FHOD1: variants seen among roughly 807,000 people sequenced by gnomAD.
FHOD1 encodes the protein formin homology 2 domain containing 1, also known as FH1/FH2 domain-containing protein 1.
FHOD1 carries 89 observed loss-of-function variants against 111.6 expected under a neutral mutation model. The ratio of observed to expected loss-of-function variants is 0.80; its 90% confidence interval spans 0.67 to 0.95. The LOEUF (loss-of-function observed/expected upper bound fraction) is 0.95. FHOD1 is among the 40% of genes least tolerant of loss of function. The pLI, the probability that FHOD1 is intolerant of heterozygous loss-of-function variation, is 0.00. For synonymous variants in FHOD1, 618 were observed against 639.0 expected (o/e 0.97, Z 0.50); for missense variants, 1,446 against 1,554.2 (o/e 0.93, Z 1.17).
intron 1 of FHOD1, 48 bp from the exon 2 acceptor site, chr16:67,239,502 G>A (rs775482750): frequency 1.9e-5 from 27 of 1,420,570 alleles, no homozygotes; most frequent in Admixed American, 1.5e-4. Flanking sequence ...GGTGGCAGGC[G>A]AATGTATGAA....
In FHOD1 at chr16:67,247,472, A is replaced by G. The variant is rs929793246; in HGVS notation, c.-62T>C. On this transcript the variant is annotated 5_prime_UTR_variant, in exon 1 of 22. Transcript: ENST00000258201. ...CCCGGCCCCAGTGCAGCTTCTACTC[A>G]AAGCACACTGTAGCTCCGCGGTTCG... 3 of 1,552,554 alleles carry G rather than the reference A, an allele frequency of 1.9e-6. No individual in the cohort carries two copies. The highest frequency in any genetic ancestry group is 2.7e-5 in the African/African-American group (2 of 73,298).
chr16:67,231,731 G>T lies in FHOD1; in HGVS notation c.2291C>A (p.Ala764Asp). 6.2e-7 allele frequency: 1 copy of T among 1,614,016 alleles called. No individual in the cohort carries two copies. The highest frequency in any genetic ancestry group is 8.5e-7 in the Non-Finnish European group (1 of 1,179,984). Residue 764 changes from alanine (A) to aspartate (D), a missense_variant, in exon 15 of 22, where the codon GCC becomes GAC. Ala to Asp is a moderately radical substitution (Grantham distance 126). Around this residue, in one of 3 missense-constraint regions of FHOD1, gnomAD observed 1,085 missense variants for 1,108.8 expected, o/e 0.98. Transcript: ENST00000258201. The surrounding 1 kb of genome is among the most constrained non-coding windows in gnomAD (Gnocchi z 4.3). The part of the protein sequence containing the change: ...LANPDIPLGP[A>D]ENFLMTLASI... The stretch of plus-strand genomic sequence containing the variant: ...GGCAAGAGTCATCAGGAAGTTCTCG[G>T]CTGGGCCCAGGGGTATGTCAGGGTT...
intron 1 of FHOD1, among the ~76,000 whole-genome samples, chr16:67,246,490 G>A (rs960907059): frequency 6.6e-6 from 1 of 152,202 alleles, no homozygotes; most frequent in Admixed American, 6.5e-5. Context: ...CGGGGCGGCA[G>A]CAAAGTAGGG....
chr16:67,244,142 CT>C (rs1188467086), intron 1 of FHOD1, among the ~76,000 whole-genome samples: 1 of 152,178 alleles, frequency 6.6e-6, no homozygotes, highest in Non-Finnish European at 1.5e-5. Flanking sequence ...GCTATCCCCA[CT>C]GTCAGGAGGA....
At position 67,247,287 on chromosome 16, in the gene FHOD1, TG is replaced by T; in HGVS notation, c.123del (p.Thr42ProfsTer69). 1 of 1,612,820 alleles carries T rather than the reference TG, an allele frequency of 6.2e-7. No individual in the cohort carries two copies. On this transcript the variant is annotated frameshift_variant, in exon 1 of 22. Transcript: ENST00000258201. LOFTEE classifies it high-confidence loss of function. ...GGCAGCGCCCCGTCCAGGCTGCAGG[TG>T]GGGGCCCGGCGCGGCTCCGGAAAGT... ...CANFPEPRRAPTCSLDGALPL... is the reference protein window; with the variant it reads ...CANFPEPRRAXTCSLDGALPL...
At chr16:67,247,480 CTG>C (rs2034913419) in exon 1 of FHOD1, 1 of 1,510,496 alleles carries the variant, frequency 6.6e-7, no homozygotes, top group Non-Finnish European at 9.0e-7. Context: ...TCAAAGCACA[CTG>C]TAGCTCCGCG....
In FHOD1 at chr16:67,238,374, C is replaced by T. The variant is rs765490495; in HGVS notation, c.441+6G>A. On this transcript the variant is annotated splice_donor_region_variant and intron_variant, in intron 4 of 21. Transcript: ENST00000258201. The surrounding 1 kb of genome is among the most constrained non-coding windows in gnomAD (Gnocchi z 4.2). ...CACTTACCCCCAGCCCACTGCGGGG[C>T]CTCACCTGGAAGATCTGCTTCAGTG... 1 of 1,614,110 alleles carries T rather than the reference C, an allele frequency of 6.2e-7. No individual in the cohort carries two copies. Among genetic ancestry groups the T allele is most frequent in the South Asian group, 1.1e-5 (1 of 91,076 alleles).
rs1186229148 is a variant in FHOD1 at position 67,241,114 on chromosome 16, A to ACCCCCCCCCCCCC, written c.202-1661_202-1660insGGGGGGGGGGGGG. ...GTTTAGCCTGTGGGGCCCTTGGATG[A>ACCCCCCCCCCCCC]CCCCCCCCCCCGCCCACCCCCGCCT... is the stretch of plus-strand genomic sequence containing the variant. On this transcript the variant is annotated intron_variant, in intron 1 of 21. Coordinates refer to ENST00000258201, the MANE Select transcript of FHOD1 (RefSeq NM_013241.3). Among the ~76,000 whole-genome samples the ACCCCCCCCCCCCC allele has an allele frequency of 4.7e-4, 39 of 83,308 alleles. 1 individual carries two copies. The highest frequency in any genetic ancestry group is 1.5e-3 in the African/African-American group (27 of 17,758). 54.7% of individuals were successfully genotyped at this position (83,308 alleles called of 152,430 possible). A position where few individuals can be genotyped will look rare whatever the true frequency, so the allele number is the denominator to read the frequency against.
intron 1 of FHOD1, among the ~76,000 whole-genome samples, chr16:67,245,016 C>T (rs1163389360): frequency 6.6e-6 from 1 of 152,228 alleles, no homozygotes; most frequent in Non-Finnish European, 1.5e-5. Flanking sequence ...GTCCCTGTCT[C>T]TGCCCTATTC....
rs201980850 is a variant in FHOD1, at chr16:67,238,233, G to A, written c.516C>T (p.Ala172=). 28 of 1,614,052 alleles carry A rather than the reference G, an allele frequency of 1.7e-5. No individual in the cohort carries two copies. The highest frequency in any genetic ancestry group is 5.3e-5 in the African/African-American group (4 of 74,922). The change falls in exon 5 of 22, where the codon GCC becomes GCT. Residue 172 remains alanine, a synonymous_variant. Coordinates refer to ENST00000258201, the MANE Select transcript of FHOD1 (RefSeq NM_013241.3). The surrounding 1 kb of genome is among the most constrained non-coding windows in gnomAD (Gnocchi z 4.2). ...GGATGTAGCTCTGGTAGTTGTGGTC[G>A]GCAGCAGCACCCACACGGATCAGGC... ...LSCLIRVGAA[A]DHNYQSYILR... is the part of the protein sequence containing the mutation.
In FHOD1 at chr16:67,237,883, A is replaced by ACCCTGG. The variant is rs2034550438; in HGVS notation, c.643-121_643-116dup. On this transcript the variant is annotated intron_variant, in intron 6 of 21. Coordinates refer to ENST00000258201, the MANE Select transcript of FHOD1 (RefSeq NM_013241.3). This position sits in a 1 kb window ranked among gnomAD's most constrained non-coding sequence, Gnocchi z 5.6. The stretch of plus-strand genomic sequence containing the variant: ...ACCCAGAGAGAATCTAGGCAGAATG[A>ACCCTGG]CCCTGGCCCCAGGCCCAGGCACTGA... 7.6e-7 allele frequency: 1 copy of ACCCTGG among 1,314,690 alleles called. No individual in the cohort carries two copies. Among genetic ancestry groups the ACCCTGG allele is most frequent in the African/African-American group, 1.5e-5 (1 of 68,932 alleles). 81.4% of individuals were successfully genotyped at this position (1,314,690 alleles called of 1,614,324 possible).
chr16:67,240,854 A>G (rs778055381), intron 1 of FHOD1, among the ~76,000 whole-genome samples: 1 of 152,224 alleles, frequency 6.6e-6, no homozygotes, highest in Non-Finnish European at 1.5e-5. Flanking sequence ...TGGCCCAGGG[A>G]GAGCCCACCT....
chr16:67,246,457 C>G (rs570029339), intron 1 of FHOD1, among the ~76,000 whole-genome samples: 1 of 152,206 alleles, frequency 6.6e-6, no homozygotes, highest in African/African-American at 2.4e-5. Context: ...GGGCCTCTTT[C>G]CGCACTGTGC....
rs145700198 is a variant in FHOD1, at chr16:67,231,483, G to A, written c.2452C>T (p.Arg818Cys). The stretch of plus-strand genomic sequence containing the variant: ...GCTAGGAGGGTAGCCAGGATGCAGC[G>A]GAAGGTGGCATTCTGTACCAGCTGT... Reference protein sequence around the residue: ...MEQLVQNATFRCILATLLAVG... With the variant: ...MEQLVQNATFCCILATLLAVG... Residue 818 changes from arginine (R) to cysteine (C), a missense_variant, in exon 16 of 22, where the codon CGC becomes TGC. Transcript: ENST00000258201. This position sits in a 1 kb window ranked among gnomAD's most constrained non-coding sequence, Gnocchi z 4.3. The A allele has an allele frequency of 6.7e-5, 108 of 1,614,132 alleles. No homozygotes were observed. In the African/African-American group the frequency reaches 1.2e-3, roughly 18 times the overall value.
chr16:67,232,244 G>A (rs372187584), intron 13 of FHOD1, 50 bp from the exon 14 acceptor site: 29 of 1,598,874 alleles, frequency 1.8e-5, no homozygotes, highest in Middle Eastern at 1.9e-4. Context: ...GGGGCCTGAC[G>A]CGGTGGCTCA....
At chr16:67,234,622 C>G in intron 11 of FHOD1, 150 bp from the exon 12 acceptor site, 1 of 621,306 alleles carries the variant, frequency 1.6e-6, no homozygotes, top group South Asian at 1.9e-5. Context: ...GAACCACACC[C>G]CCCCCAAGGC....
At position 67,230,719 on chromosome 16, in the gene FHOD1, G is replaced by C; in HGVS notation, c.2740C>G (p.Arg914Gly). The change falls in exon 18 of 22, where the codon CGG (arginine) becomes GGG (glycine). Residue 914 changes from arginine (R) to glycine (G), a missense_variant. Around this residue, in one of 3 missense-constraint regions of FHOD1, gnomAD observed 1,085 missense variants for 1,108.8 expected, o/e 0.98. Transcript: ENST00000258201. ...GCCAGCTCATGCTTGGCCAAGCTCCGCAGGCTCTCCTCGGCTGCCCGGCTC... is the reference window on the plus strand; with the variant it reads ...GCCAGCTCATGCTTGGCCAAGCTCCCCAGGCTCTCCTCGGCTGCCCGGCTC... ...RRSRAAEESL[R>G]SLAKHELAPA... 6.2e-7 allele frequency: 1 copy of C among 1,613,240 alleles called. No individual in the cohort carries two copies.
chr16:67,242,399 C>T (rs2034691584), intron 1 of FHOD1, among the ~76,000 whole-genome samples: 1 of 152,238 alleles, frequency 6.6e-6, no homozygotes, highest in Non-Finnish European at 1.5e-5. Flanking sequence ...CCACCCCCAG[C>T]TGTCTGTCCT....
Position 67,238,620 on chromosome 16 carries a change from T to C in FHOD1, c.374-173A>G. 1.4e-6 allele frequency: 1 copy of C among 709,732 alleles called. No individual in the cohort carries two copies. Among genetic ancestry groups the C allele is most frequent in the Non-Finnish European group, 2.4e-6 (1 of 409,248 alleles). 44.0% of individuals were successfully genotyped at this position (709,732 alleles called of 1,614,324 possible). ...AGTGTGGAGTGCAGTGGCACAGTCA[T>C]AGCTCACTGCAACCTCAAACTCCTA... On this transcript the variant is annotated intron_variant, in intron 3 of 21. Coordinates refer to ENST00000258201, the MANE Select transcript of FHOD1 (RefSeq NM_013241.3). The surrounding 1 kb of genome is among the most constrained non-coding windows in gnomAD (Gnocchi z 4.2).
Sources: gnomAD v4.1 joint callset for allele counts (sites outside exome capture counted in the v4.1 genomes callset) on GRCh38, gnomAD v4.1.1 for gene constraint, gnomAD v4.1.1 regional missense constraint, Gnocchi (gnomAD v3.1) non-coding constraint, MANE v1.5 for transcripts, NCBI Gene and HGNC (gene_info 2026-07-23, HGNC 2026-07-21) for gene names.